The following NKD1 variants were observed in gnomAD, a reference collection of about 807,000 sequenced individuals.
NKD1 encodes the protein NKD inhibitor of Wnt signaling pathway 1.
NKD1 carries 21 observed loss-of-function variants against 56.0 expected under a neutral mutation model. The observed-to-expected ratio is 0.38, with a 90% confidence interval of 0.27 to 0.54. The LOEUF (loss-of-function observed/expected upper bound fraction) is 0.54. Among genes scored for constraint, NKD1 ranks in the 20% least tolerant of loss-of-function variants. NKD1 has a pLI of 0.82. For missense variants in NKD1, 578 were observed against 642.7 expected (o/e 0.90, Z 1.09); for synonymous variants, 263 against 265.7 (o/e 0.99, Z 0.10).
intron 3 of NKD1, chr16:50,572,873 C>T: frequency 1.0e-6 from 1 of 984,896 alleles, no homozygotes; most frequent in Non-Finnish European, 1.2e-6. Flanking sequence ...CTGGAGCCAA[C>T]AGGATCATGA....
intron 3 of NKD1, among the ~76,000 whole-genome samples, chr16:50,594,803 G>C (rs1251233499): frequency 6.6e-6 from 1 of 151,284 alleles, no homozygotes; most frequent in Non-Finnish European, 1.5e-5. Flanking sequence ...GGGAAGGGAG[G>C]GGGGCACACA....
At chr16:50,559,320 A>G (rs1045672345) in intron 3 of NKD1, among the ~76,000 whole-genome samples, 1 of 152,216 alleles carries the variant, frequency 6.6e-6, no homozygotes, top group East Asian at 1.9e-4. Flanking sequence ...AGGATGGGGA[A>G]GGAGAATAAC....
At chr16:50,626,527 C>T (rs944595875) in intron 6 of NKD1, among the ~76,000 whole-genome samples, 7 of 152,178 alleles carry the variant, frequency 4.6e-5, no homozygotes, top group Admixed American at 1.3e-4. Flanking sequence ...GGCAGGCAGA[C>T]GCCAGGGGCT....
intron 3 of NKD1, among the ~76,000 whole-genome samples, chr16:50,570,074 C>CT (rs879668581): frequency 1.3e-5 from 2 of 151,966 alleles, no homozygotes; most frequent in Non-Finnish European, 2.9e-5. Context: ...AGTATGTCAA[C>CT]TTTTTTTTAT....
intron 6 of NKD1, among the ~76,000 whole-genome samples, chr16:50,629,256 C>G (rs567151475): frequency 6.6e-6 from 1 of 152,264 alleles, no homozygotes; most frequent in East Asian, 1.9e-4. Flanking sequence ...AGCCATATCC[C>G]TAGCTCTCCT....
intron 4 of NKD1, among the ~76,000 whole-genome samples, chr16:50,609,222 T>A (rs1032899608): frequency 1.1e-4 from 16 of 152,252 alleles, no homozygotes; most frequent in Admixed American, 1.0e-3. Context: ...TGGTTTGACT[T>A]TGGGCAGGCC....
intron 4 of NKD1, among the ~76,000 whole-genome samples, chr16:50,618,715 C>T (rs1962018493): frequency 1.3e-5 from 2 of 152,136 alleles, no homozygotes; most frequent in African/African-American, 4.8e-5. Flanking sequence ...GATCACAGGC[C>T]CCATGCTGGG....
Position 50,630,826 on chromosome 16 carries a change from A to G in NKD1, c.611A>G (p.Asp204Gly). Residue 204 changes from aspartate (D) to glycine (G), a missense_variant and splice_region_variant, in exon 8 of 10, where the codon GAC becomes GGC. Asp to Gly is a moderately conservative substitution (Grantham distance 94, BLOSUM62 -1). Coordinates refer to ENST00000268459, the MANE Select transcript of NKD1 (RefSeq NM_033119.5). ...SKRSVLVNQA[D>G]LQSARPRAET... Reference sequence around the variant, plus strand: ...CCTGTGCTTCTCGGGCCGGACTCAGACCTGCAGAGCGCAAGGCCCCGAGCA... The same window carrying G: ...CCTGTGCTTCTCGGGCCGGACTCAGGCCTGCAGAGCGCAAGGCCCCGAGCA... 2 of 1,597,448 alleles carry G rather than the reference A, an allele frequency of 1.3e-6. No homozygotes were observed.
chr16:50,572,934 G>C (rs1186875333), intron 3 of NKD1: 1 of 950,730 alleles, frequency 1.1e-6, no homozygotes, highest in Non-Finnish European at 1.3e-6. Flanking sequence ...GGGAGAGTGG[G>C]CTCTGGAATC....
chr16:50,563,488 C>T (rs12922627), intron 3 of NKD1, among the ~76,000 whole-genome samples: 8 of 139,268 alleles, frequency 5.7e-5, no homozygotes, highest in African/African-American at 1.4e-4. Context: ...CAGCCCTGGA[C>T]CCATGGAGAA....
At position 50,644,531 on chromosome 16, in the gene NKD1, GGGTGACAGCATGCAGACAGACT is replaced by G. The variant is rs1722503509; in HGVS notation, c.*10753_*10774del. 1 of 152,230 alleles carries G rather than the reference GGGTGACAGCATGCAGACAGACT, an allele frequency of 6.6e-6. No homozygotes were observed. The highest frequency in any genetic ancestry group is 1.5e-5 in the Non-Finnish European group (1 of 68,040). 9.4% of individuals were successfully genotyped at this position (152,230 alleles called of 1,614,324 possible). A position where few individuals can be genotyped will look rare whatever the true frequency, so the allele number is the denominator to read the frequency against. The stretch of plus-strand genomic sequence containing the variant: ...GAATGTTGATGCTGCCCCCAGAGAA[GGGTGACAGCATGCAGACAGACT>G]GGAAACCCAGAACCTCCTGGGGATA... On this transcript the variant is annotated 3_prime_UTR_variant, in exon 10 of 10. Coordinates refer to ENST00000268459, the MANE Select transcript of NKD1 (RefSeq NM_033119.5).
chr16:50,643,672 G>T lies in NKD1; in HGVS notation c.*9891G>T, dbSNP rs898330933. 6.6e-6 allele frequency: 1 copy of T among 152,244 alleles called. No individual in the cohort carries two copies. Among genetic ancestry groups the T allele is most frequent in the African/African-American group, 2.4e-5 (1 of 41,460 alleles). The allele number at this position is 152,244 out of a possible 1,614,324, so 9.4% of individuals were successfully genotyped here. A position where few individuals can be genotyped will look rare whatever the true frequency, so the allele number is the denominator to read the frequency against. Reference sequence around the variant, plus strand: ...GCATACTGAACTACTGATCCTAGGGGAAATACAGGGTTAGGTTCCTGCCAG... The same window carrying T: ...GCATACTGAACTACTGATCCTAGGGTAAATACAGGGTTAGGTTCCTGCCAG... On this transcript the variant is annotated 3_prime_UTR_variant, in exon 10 of 10. Transcript: ENST00000268459.
intron 3 of NKD1, chr16:50,556,912 A>G (rs1284776062): frequency 1.3e-5 from 2 of 152,010 alleles, no homozygotes; most frequent in Non-Finnish European, 2.9e-5. Context: ...GGTTCAAGGT[A>G]CATGTACAGG....
intron 2 of NKD1, chr16:50,549,081 C>A (rs1435876309): frequency 5.6e-6 from 1 of 177,702 alleles, no homozygotes; most frequent in Non-Finnish European, 1.1e-5. Flanking sequence ...GCCCTTCTTC[C>A]GATATCCTGG....
chr16:50,633,772 C>T lies in NKD1; in HGVS notation c.1404C>T (p.Tyr468=). 1 of 1,487,478 alleles carries T rather than the reference C, an allele frequency of 6.7e-7. No individual in the cohort carries two copies. The highest frequency in any genetic ancestry group is 9.0e-7 in the Non-Finnish European group (1 of 1,107,980). 92.1% of individuals were successfully genotyped at this position (1,487,478 alleles called of 1,614,324 possible). ...ATCACCACCATTACCACCACTTCTA[C>T]CAGACATAGAGCCCCTCCCCAGGGC... The part of the protein sequence containing the change: ...HEHHHHYHHF[Y]QT Residue 468 remains tyrosine (Y), a synonymous_variant, in exon 10 of 10, where the codon TAC becomes TAT. Coordinates refer to ENST00000268459, the MANE Select transcript of NKD1 (RefSeq NM_033119.5). The surrounding 1 kb of genome is among the most constrained non-coding windows in gnomAD (Gnocchi z 4.9).
chr16:50,566,055 TG>T, intron 3 of NKD1: 1 of 596,502 alleles, frequency 1.7e-6, no homozygotes, highest in Non-Finnish European at 2.1e-6. Context: ...GCTATTTTTC[TG>T]GCAAAGCTGG....
At chr16:50,550,178 A>G (rs1960348086) in intron 3 of NKD1, among the ~76,000 whole-genome samples, 1 of 151,552 alleles carries the variant, frequency 6.6e-6, no homozygotes, top group Non-Finnish European at 1.5e-5. Context: ...GAGTTCCTGG[A>G]GGAGCACTAA....
chr16:50,600,197 T>C (rs1961562799), intron 3 of NKD1, among the ~76,000 whole-genome samples: 1 of 152,070 alleles, frequency 6.6e-6, no homozygotes, highest in African/African-American at 2.4e-5. Context: ...ATTTTAATGA[T>C]TCTGAATTTG....
chr16:50,575,671 G>A (rs1736562031), intron 3 of NKD1, among the ~76,000 whole-genome samples: 1 of 152,126 alleles, frequency 6.6e-6, no homozygotes, highest in African/African-American at 2.4e-5. Flanking sequence ...ATGCTTTTTG[G>A]CTTTAGCAGC....
Sources: gnomAD v4.1 joint callset for allele counts (sites outside exome capture counted in the v4.1 genomes callset) on GRCh38, gnomAD v4.1.1 for gene constraint, Gnocchi (gnomAD v3.1) non-coding constraint, MANE v1.5 for transcripts, NCBI Gene and HGNC (gene_info 2026-07-23, HGNC 2026-07-21) for gene names.